Variants in PINX1 observed in about 807,000 individuals in gnomAD.
PINX1 encodes PIN2/TERF1-interacting telomerase inhibitor 1.
In PINX1, 34 loss-of-function variants were observed where a neutral mutation model predicts 25.4. That is an observed-to-expected ratio of 1.34 (90% CI 1.02 to 1.78). The LOEUF (loss-of-function observed/expected upper bound fraction) is 1.78. PINX1 is among the 40% of genes most tolerant of loss of function. PINX1 has a pLI of 0.00. For synonymous variants in PINX1, 197 were observed against 147.7 expected, an observed-to-expected ratio of 1.33 and a Z score of -2.42; for missense variants, 592 against 404.9, an observed-to-expected ratio of 1.46 and a Z score of -3.97.
chr8:10,802,554 C>G (rs1256580329), intron 6 of PINX1, among the ~76,000 whole-genome samples: 1 of 152,194 alleles, frequency 6.6e-6, no homozygotes, highest in Non-Finnish European at 1.5e-5. Flanking sequence ...CCAGTATCAA[C>G]AAAAACCTAT....
At chr8:10,813,775 A>G (rs1586184858) in intron 6 of PINX1, among the ~76,000 whole-genome samples, 1 of 152,214 alleles carries the variant, frequency 6.6e-6, no homozygotes, top group Admixed American at 6.5e-5. Context: ...AGAGAAACGA[A>G]GTGAGAATGC....
At chr8:10,811,181 A>C (rs1351153857) in intron 6 of PINX1, among the ~76,000 whole-genome samples, 1 of 152,234 alleles carries the variant, frequency 6.6e-6, no homozygotes, top group African/African-American at 2.4e-5. Flanking sequence ...CAAATGAAGA[A>C]GCTGGGGCTC....
chr8:10,772,538 TC>T (rs1455687677), intron 6 of PINX1, among the ~76,000 whole-genome samples: 3 of 152,202 alleles, frequency 2.0e-5, no homozygotes, highest in Non-Finnish European at 4.4e-5. Context: ...AAGTGTGAAA[TC>T]TTGTACATTT....
intron 3 of PINX1, 70 bp from the exon 4 acceptor site, chr8:10,831,813 T>G: frequency 1.2e-6 from 1 of 867,134 alleles, no homozygotes; most frequent in Non-Finnish European, 1.9e-6. Context: ...ATGATACATT[T>G]TGGAATCAAG....
intron 5 of PINX1, among the ~76,000 whole-genome samples, chr8:10,821,173 T>C (rs578161095): frequency 6.6e-6 from 1 of 152,374 alleles, no homozygotes; most frequent in East Asian, 1.9e-4. Context: ...AGTCTCACGC[T>C]GGAAGCCGAG....
At chr8:10,780,263 T>A (rs1242019709) in intron 6 of PINX1, among the ~76,000 whole-genome samples, 3 of 152,168 alleles carry the variant, frequency 2.0e-5, no homozygotes, top group Non-Finnish European at 4.4e-5. Flanking sequence ...TGAACAGAAA[T>A]GGCAAGAATG....
intron 6 of PINX1, among the ~76,000 whole-genome samples, chr8:10,779,234 C>A (rs894844930): frequency 3.9e-5 from 6 of 152,178 alleles, no homozygotes; most frequent in African/African-American, 1.4e-4. Context: ...GAAGAAAGAT[C>A]CTGGGCGTCA....
chr8:10,819,561 G>C (rs958966801), intron 6 of PINX1, among the ~76,000 whole-genome samples: 5 of 152,070 alleles, frequency 3.3e-5, no homozygotes, highest in Non-Finnish European at 5.9e-5. Flanking sequence ...CTTCAAAACA[G>C]CACAAAAAAT....
intron 4 of PINX1, among the ~76,000 whole-genome samples, chr8:10,831,282 A>T (rs1798219706): frequency 6.6e-6 from 1 of 152,268 alleles, no homozygotes; most frequent in African/African-American, 2.4e-5. Context: ...AGAGCTGCGT[A>T]AGGAAAACAG....
At chr8:10,796,946 C>T (rs1339300552) in intron 6 of PINX1, among the ~76,000 whole-genome samples, 1 of 152,018 alleles carries the variant, frequency 6.6e-6, no homozygotes, top group Non-Finnish European at 1.5e-5. Context: ...ACCAGCAACA[C>T]TGATGGTTCC....
chr8:10,801,494 C>T (rs866548947), intron 6 of PINX1, among the ~76,000 whole-genome samples: 1 of 152,200 alleles, frequency 6.6e-6, no homozygotes, highest in African/African-American at 2.4e-5. Flanking sequence ...GTGGTCCCCT[C>T]GCCTAGAAGC....
Position 10,765,158 on chromosome 8 carries a change from C to CT in PINX1, c.*242dup, listed in dbSNP as rs1800988622. 1.9e-6 allele frequency: 1 copy of CT among 513,140 alleles called. No homozygotes were observed. The highest frequency in any genetic ancestry group is 3.4e-6 in the Non-Finnish European group (1 of 292,694). The allele number at this position is 513,140 out of a possible 1,614,324, so 31.8% of individuals were successfully genotyped here. A position where few individuals can be genotyped will look rare whatever the true frequency, so the allele number is the denominator to read the frequency against. On this transcript the variant is annotated 3_prime_UTR_variant, in exon 7 of 7. Transcript: ENST00000314787. ...ATAATTAAACTCTCTTGCTGAAGGG[C>CT]TCAGAGTTTACAAAAAAATTTATTT... is the stretch of plus-strand genomic sequence containing the variant.
At chr8:10,823,371 C>A (rs376401347) in intron 5 of PINX1, among the ~76,000 whole-genome samples, 1 of 152,148 alleles carries the variant, frequency 6.6e-6, no homozygotes, top group African/African-American at 2.4e-5. Context: ...CATCCAACAA[C>A]TGCATAACTG....
In PINX1 at chr8:10,765,505, T is replaced by A; in HGVS notation, c.883A>T (p.Lys295Ter). 1.2e-6 allele frequency: 2 copies of A among 1,613,760 alleles called. No homozygotes were observed. Among genetic ancestry groups the A allele is most frequent in the Non-Finnish European group, 1.7e-6 (2 of 1,179,894 alleles). ...EGRDFTLKPK[K>*]RRGKKKLQKP... ...TGCAGCTTTTTCTTCCCTCTCCTCTTTTTGGGCTTCAGGGTGAAGTCCCGG... is the reference window on the plus strand; with the variant it reads ...TGCAGCTTTTTCTTCCCTCTCCTCTATTTGGGCTTCAGGGTGAAGTCCCGG... Residue 295 changes from lysine (K) to a stop codon, truncating the protein, a stop_gained, in exon 7 of 7, where the codon AAG becomes TAG. Coordinates refer to ENST00000314787, the MANE Select transcript of PINX1 (RefSeq NM_017884.6). LOFTEE classifies it low-confidence loss of function (END_TRUNC).
chr8:10,781,054 T>C (rs1801569923), intron 6 of PINX1, among the ~76,000 whole-genome samples: 1 of 152,182 alleles, frequency 6.6e-6, no homozygotes. Context: ...TCTAAACATT[T>C]ATAGTCAACT....
intron 4 of PINX1, among the ~76,000 whole-genome samples, chr8:10,830,703 A>G (rs764924240): frequency 1.3e-5 from 2 of 152,262 alleles, no homozygotes; most frequent in Non-Finnish European, 2.9e-5. Flanking sequence ...AAAATGGCCA[A>G]TAAGCGATGA....
intron 6 of PINX1, among the ~76,000 whole-genome samples, chr8:10,818,324 G>A (rs1355859082): frequency 6.6e-6 from 1 of 152,172 alleles, no homozygotes; most frequent in Non-Finnish European, 1.5e-5. Flanking sequence ...ACAGGTGGAT[G>A]TCTCACTTTA....
At chr8:10,785,676 A>G (rs1470389841) in intron 6 of PINX1, among the ~76,000 whole-genome samples, 2 of 152,230 alleles carry the variant, frequency 1.3e-5, no homozygotes, top group Non-Finnish European at 1.5e-5. Context: ...TCAAATAAGA[A>G]AGATCTTAAA....
intron 5 of PINX1, chr8:10,825,344 G>A (rs760712288): frequency 3.7e-6 from 2 of 534,642 alleles, no homozygotes; most frequent in African/African-American, 1.9e-5. Flanking sequence ...CAACCTCCCA[G>A]GAAAGAACCA....
Sources: allele counts gnomAD v4.1 joint callset (sites outside exome capture counted in the v4.1 genomes callset), GRCh38; gene constraint gnomAD v4.1.1; transcripts MANE v1.5; gene names NCBI Gene and HGNC (gene_info 2026-07-23, HGNC 2026-07-21).